The following MAP2K5 variants were observed in gnomAD, a reference collection of about 807,000 sequenced individuals.
MAP2K5 encodes dual specificity mitogen-activated protein kinase kinase 5.
Under a neutral mutation model 83.1 loss-of-function variants are expected in MAP2K5, and 49 were observed. The observed-to-expected ratio is 0.59, with a 90% CI of 0.47 to 0.75. The LOEUF (loss-of-function observed/expected upper bound fraction) is 0.75, where lower values mean the gene tolerates loss of function less well. Ranked by LOEUF, MAP2K5 falls within the 30% of genes least tolerant of loss-of-function variation. MAP2K5 has a pLI of 0.00. For missense variants in MAP2K5, 457 were observed against 557.5 expected, an observed-to-expected ratio of 0.82 and a Z score of 1.82; for synonymous variants, 202 against 191.8, an observed-to-expected ratio of 1.05 and a Z score of -0.44.
At position 67,706,357 on chromosome 15, in the gene MAP2K5, G is replaced by C. The variant is rs765220186; in HGVS notation, c.1044+2949G>C. ...AGAAAACAGACTCATTGAATTTTCA[G>C]GATCGAAGAGGATTAGGTATAGAGA... On this transcript the variant is annotated intron_variant, in intron 16 of 21. Transcript: ENST00000178640. 8.5e-4 allele frequency among the ~76,000 whole-genome samples: 129 copies of C among 152,272 alleles called. 1 individual carries two copies. Among genetic ancestry groups the C allele is most frequent in the Middle Eastern group, 3.4e-3 (1 of 294 alleles).
chr15:67,560,763 C>T (rs537687021), intron 2 of MAP2K5, among the ~76,000 whole-genome samples: 3 of 152,198 alleles, frequency 2.0e-5, no homozygotes, highest in Non-Finnish European at 4.4e-5. Flanking sequence ...TGAAATAATC[C>T]CTCAAGAGAT....
chr15:67,763,615 G>T (rs2089991492), intron 19 of MAP2K5, among the ~76,000 whole-genome samples: 1 of 151,792 alleles, frequency 6.6e-6, no homozygotes, highest in Non-Finnish European at 1.5e-5. Flanking sequence ...TGGAGGTGAG[G>T]GTCCAGTTTT....
chr15:67,751,899 C>A (rs917095949), intron 19 of MAP2K5, among the ~76,000 whole-genome samples: 1 of 152,180 alleles, frequency 6.6e-6, no homozygotes, highest in Non-Finnish European at 1.5e-5. Flanking sequence ...CCTTTGCCCC[C>A]AGGCTAACAT....
At chr15:67,575,925 T>C (rs1371511387) in intron 3 of MAP2K5, among the ~76,000 whole-genome samples, 1 of 146,186 alleles carries the variant, frequency 6.8e-6, no homozygotes, top group Admixed American at 6.7e-5. Flanking sequence ...TCTTTTTTTT[T>C]TTTTTTTTTT....
rs199918933 is a variant in MAP2K5 at position 67,671,647 on chromosome 15, CG to C, written c.847+7003del. On this transcript the variant is annotated intron_variant, in intron 13 of 21. Coordinates refer to ENST00000178640, the MANE Select transcript of MAP2K5 (RefSeq NM_145160.3). ...ACAACTTGGATGGAAAGCAAGAACA[CG>C]TTTTTTTTTCTTTTATTTTTATTAT... Among the ~76,000 whole-genome samples the C allele has an allele frequency of 7.1e-3, 1,080 of 151,516 alleles. 15 individuals are homozygous for C. Among genetic ancestry groups the C allele is most frequent in the African/African-American group, 0.025 (1,024 of 41,156 alleles).
At chr15:67,706,383 A>G (rs2088554512) in intron 16 of MAP2K5, among the ~76,000 whole-genome samples, 1 of 152,122 alleles carries the variant, frequency 6.6e-6, no homozygotes, top group Admixed American at 6.5e-5. Flanking sequence ...GGTATAGAGA[A>G]CTCTGTGAAA....
intron 16 of MAP2K5, among the ~76,000 whole-genome samples, chr15:67,713,238 A>G (rs983234699): frequency 6.6e-6 from 1 of 152,194 alleles, no homozygotes; most frequent in African/African-American, 2.4e-5. Context: ...AATTTACTAT[A>G]AAAAATACAA....
At chr15:67,568,812 C>A (rs1436366054) in intron 3 of MAP2K5, among the ~76,000 whole-genome samples, 5 of 152,016 alleles carry the variant, frequency 3.3e-5, no homozygotes, top group Non-Finnish European at 7.4e-5. Context: ...CGTGACCATC[C>A]TGACTAACAC....
At chr15:67,654,454 AG>A (rs1467489388) in intron 11 of MAP2K5, among the ~76,000 whole-genome samples, 1 of 152,126 alleles carries the variant, frequency 6.6e-6, no homozygotes, top group Non-Finnish European at 1.5e-5. Flanking sequence ...GACAGCATAT[AG>A]TTGGATCATT....
In MAP2K5 at chr15:67,748,158, T is replaced by C. The variant is rs1596902626; in HGVS notation, c.1075-73T>C. The C allele has an allele frequency of 4.7e-6, 5 of 1,060,438 alleles. No homozygotes were observed. In the East Asian group the frequency reaches 1.2e-4, roughly 26 times the overall value. The allele number at this position is 1,060,438 out of a possible 1,614,324, so 65.7% of individuals were successfully genotyped here. On this transcript the variant is annotated intron_variant, in intron 17 of 21. Transcript: ENST00000178640. This position sits in a 1 kb window ranked among gnomAD's most constrained non-coding sequence, Gnocchi z 4.0. The stretch of plus-strand genomic sequence containing the variant: ...TGCCACCAGCAATGCAATAATTTTC[T>C]CTCAGTGATCATAATGTGTCCAAGT...
At chr15:67,678,113 C>T (rs762609485) in intron 13 of MAP2K5, among the ~76,000 whole-genome samples, 2 of 152,226 alleles carry the variant, frequency 1.3e-5, no homozygotes, top group Non-Finnish European at 2.9e-5. Flanking sequence ...TCAGCATAGT[C>T]TATACTTAAT....
At chr15:67,574,845 C>T (rs757698119) in intron 3 of MAP2K5, among the ~76,000 whole-genome samples, 1 of 151,062 alleles carries the variant, frequency 6.6e-6, no homozygotes, top group East Asian at 2.0e-4. Context: ...CCAGCCTGGG[C>T]GACAGAGTGA....
At chr15:67,613,079 C>T (rs2085967654) in intron 8 of MAP2K5, among the ~76,000 whole-genome samples, 1 of 152,134 alleles carries the variant, frequency 6.6e-6, no homozygotes, top group Admixed American at 6.5e-5. Flanking sequence ...TTTAATTTTT[C>T]AGGCTTCAGT....
At chr15:67,797,235 G>A (rs1000939770) in intron 21 of MAP2K5, among the ~76,000 whole-genome samples, 4 of 152,194 alleles carry the variant, frequency 2.6e-5, no homozygotes, top group Non-Finnish European at 5.9e-5. Flanking sequence ...CATTACTGCA[G>A]TTGTGGCTTT....
rs1255552652 is a variant in MAP2K5, at chr15:67,719,129, C to G, written c.1045-8787C>G. Reference sequence around the variant, plus strand: ...TGAGTTCAATTCATTTAATTCTAATCTTTTTCTTCCTTGGCAACCTTTTAA... The same window carrying G: ...TGAGTTCAATTCATTTAATTCTAATGTTTTTCTTCCTTGGCAACCTTTTAA... On this transcript the variant is annotated intron_variant, in intron 16 of 21. Coordinates refer to ENST00000178640, the MANE Select transcript of MAP2K5 (RefSeq NM_145160.3). This position sits in a 1 kb window ranked among gnomAD's most constrained non-coding sequence, Gnocchi z 4.6. 6.6e-6 allele frequency among the ~76,000 whole-genome samples: 1 copy of G among 152,104 alleles called. No individual in the cohort carries two copies. The highest frequency in any genetic ancestry group is 1.5e-5 in the Non-Finnish European group (1 of 68,020).
intron 17 of MAP2K5, among the ~76,000 whole-genome samples, chr15:67,734,505 A>G (rs1390257050): frequency 6.6e-6 from 1 of 152,170 alleles, no homozygotes; most frequent in African/African-American, 2.4e-5. Context: ...AACATTGAGC[A>G]CTTTTCAAAT....
Position 67,572,421 on chromosome 15 carries a change from A to G in MAP2K5, c.253-8333A>G, listed in dbSNP as rs2084967345. Among the ~76,000 whole-genome samples the G allele has an allele frequency of 1.3e-5, 2 of 151,844 alleles. No homozygotes were observed. The highest frequency in any genetic ancestry group is 4.9e-5 in the African/African-American group (2 of 41,140). ...AAGGGGTCCCAATCCAGACCCTAAGAGAGAGTTCTTGGATCTTGTGCAAGA... is the reference window on the plus strand; with the variant it reads ...AAGGGGTCCCAATCCAGACCCTAAGGGAGAGTTCTTGGATCTTGTGCAAGA... On this transcript the variant is annotated intron_variant, in intron 3 of 21. Transcript: ENST00000178640. The surrounding 1 kb of genome is among the most constrained non-coding windows in gnomAD (Gnocchi z 4.2).
chr15:67,725,965 A>G (rs2089083947), intron 16 of MAP2K5, among the ~76,000 whole-genome samples: 1 of 152,202 alleles, frequency 6.6e-6, no homozygotes, highest in Admixed American at 6.5e-5. Flanking sequence ...ATAGACAACA[A>G]ACATAATCAC....
At chr15:67,765,077 T>C (rs1263446498) in intron 19 of MAP2K5, among the ~76,000 whole-genome samples, 1 of 152,240 alleles carries the variant, frequency 6.6e-6, no homozygotes. Context: ...TAGTACAGTA[T>C]TGGCTGGGTG....
Sources: allele counts gnomAD v4.1 joint callset (sites outside exome capture counted in the v4.1 genomes callset), GRCh38; gene constraint gnomAD v4.1.1; non-coding constraint Gnocchi (gnomAD v3.1); transcripts MANE v1.5; gene names NCBI Gene and HGNC (gene_info 2026-07-23, HGNC 2026-07-21).